SLIT2: variants seen among roughly 807,000 people sequenced by gnomAD.
SLIT2 encodes the protein slit homolog 2 protein.
A neutral mutation model predicts 185.7 loss-of-function variants in SLIT2; 41 were observed. The observed-to-expected ratio is 0.22, with a 90% CI of 0.17 to 0.29. SLIT2 has a LOEUF of 0.29. Among genes scored for constraint, SLIT2 ranks in the 10% least tolerant of loss-of-function variants. The probability of loss-of-function intolerance (pLI) is 1.00; values close to 1 mark genes in which losing one functional copy is unlikely to be tolerated. For synonymous variants in SLIT2, 693 were observed against 680.2 expected, an observed-to-expected ratio of 1.02 and a Z score of -0.29; for missense variants, 1,571 against 1,909.0, an observed-to-expected ratio of 0.82 and a Z score of 3.30.
At chr4:20,308,302 A>G (rs1355197659) in intron 4 of SLIT2, among the ~76,000 whole-genome samples, 2 of 152,206 alleles carry the variant, frequency 1.3e-5, no homozygotes, top group African/African-American at 4.8e-5. Context: ...CGAGTGGAAA[A>G]TGCCATCACC....
intron 8 of SLIT2, among the ~76,000 whole-genome samples, chr4:20,490,447 G>T (rs1338612963): frequency 7.9e-6 from 1 of 125,872 alleles, no homozygotes; most frequent in Admixed American, 7.6e-5. Flanking sequence ...ATATGTGTGG[G>T]TGTGTGTGTA....
chr4:20,368,195 T>C (rs1315524063), intron 4 of SLIT2, among the ~76,000 whole-genome samples: 1 of 148,466 alleles, frequency 6.7e-6, no homozygotes, highest in African/African-American at 2.5e-5. Context: ...TTTTCCTGGT[T>C]TTTGAAATAG....
At chr4:20,397,581 T>C (rs1310415201) in intron 4 of SLIT2, among the ~76,000 whole-genome samples, 2 of 151,878 alleles carry the variant, frequency 1.3e-5, no homozygotes, top group African/African-American at 4.8e-5. Flanking sequence ...AAGGCAGTTA[T>C]AAATTGTCAT....
intron 4 of SLIT2, among the ~76,000 whole-genome samples, chr4:20,459,143 A>C (rs1033632124): frequency 9.2e-5 from 14 of 152,232 alleles, no homozygotes; most frequent in Admixed American, 6.5e-5. Flanking sequence ...AAAAAAAAAA[A>C]CAGTTTTGGT....
At chr4:20,564,983 G>GC (rs1304151348) in intron 26 of SLIT2, among the ~76,000 whole-genome samples, 1 of 151,922 alleles carries the variant, frequency 6.6e-6, no homozygotes, top group African/African-American at 2.4e-5. Context: ...CCACTACGTG[G>GC]TAAAATGAAC....
intron 1 of SLIT2, among the ~76,000 whole-genome samples, chr4:20,256,142 C>G (rs1711798509): frequency 1.3e-5 from 2 of 152,126 alleles, no homozygotes; most frequent in Admixed American, 1.3e-4. Flanking sequence ...AGGTAAATGC[C>G]TATGAATGCA....
At chr4:20,516,827 A>G (rs1720259742) in intron 11 of SLIT2, among the ~76,000 whole-genome samples, 1 of 152,166 alleles carries the variant, frequency 6.6e-6, no homozygotes, top group African/African-American at 2.4e-5. Flanking sequence ...TTGATACTCC[A>G]TATAGCAATA....
chr4:20,435,537 C>T (rs1729290967), intron 4 of SLIT2, among the ~76,000 whole-genome samples: 1 of 152,114 alleles, frequency 6.6e-6, no homozygotes, highest in Non-Finnish European at 1.5e-5. Flanking sequence ...GACTAAACAT[C>T]ATGGACTGGA....
chr4:20,483,313 A>G (rs1716897059), intron 6 of SLIT2, among the ~76,000 whole-genome samples: 1 of 152,062 alleles, frequency 6.6e-6, no homozygotes, highest in Admixed American at 6.6e-5. Context: ...AAGTCAAGTG[A>G]AAATCTAAGG....
intron 9 of SLIT2, among the ~76,000 whole-genome samples, chr4:20,497,585 A>G (rs2148807323): frequency 6.6e-6 from 1 of 152,326 alleles, no homozygotes; most frequent in South Asian, 2.1e-4. Context: ...ATATTACTTT[A>G]TATCTGTAAC....
intron 4 of SLIT2, among the ~76,000 whole-genome samples, chr4:20,435,179 G>C (rs1180535999): frequency 6.6e-6 from 1 of 152,176 alleles, no homozygotes; most frequent in Non-Finnish European, 1.5e-5. Context: ...TTAGTTGTGA[G>C]AAAGTGCTGT....
intron 33 of SLIT2, among the ~76,000 whole-genome samples, chr4:20,605,696 C>CTTTTA (rs144136425): frequency 7.1e-6 from 1 of 141,322 alleles, no homozygotes; most frequent in Non-Finnish European, 1.5e-5. Flanking sequence ...TCGATCACTG[C>CTTTTA]TTTTATTTTA....
chr4:20,492,783 C>A (rs373279188), intron 9 of SLIT2, among the ~76,000 whole-genome samples: 3 of 151,832 alleles, frequency 2.0e-5, no homozygotes, highest in Admixed American at 6.6e-5. Context: ...GTTTTTAAAG[C>A]GCTCATTTTT....
chr4:20,357,192 T>C (rs1722397751), intron 4 of SLIT2, among the ~76,000 whole-genome samples: 1 of 152,116 alleles, frequency 6.6e-6, no homozygotes, highest in Non-Finnish European at 1.5e-5. Flanking sequence ...ACTCCTTTAA[T>C]TGGGGGAAGT....
Position 20,539,549 on chromosome 4 carries a change from A to G in SLIT2, c.1941A>G (p.Pro647=), listed in dbSNP as rs1480479943. ...LYDNQITTVA[P]GAFDTLHSLS... is the part of the protein sequence containing the mutation. Reference sequence around the variant, plus strand: ...ATAATCAAATTACTACAGTTGCACCAGGGGCATTTGATACTCTCCATTCTT... The same window carrying G: ...ATAATCAAATTACTACAGTTGCACCGGGGGCATTTGATACTCTCCATTCTT... Residue 647 remains proline (P), a synonymous_variant, in exon 19 of 37, where the codon CCA becomes CCG. Coordinates refer to ENST00000504154, the MANE Select transcript of SLIT2 (RefSeq NM_004787.4). The G allele has an allele frequency of 9.3e-6, 15 of 1,612,854 alleles. No individual in the cohort carries two copies. Among genetic ancestry groups the G allele is most frequent in the Non-Finnish European group, 1.1e-5 (13 of 1,178,944 alleles).
intron 4 of SLIT2, among the ~76,000 whole-genome samples, chr4:20,456,326 C>T (rs1013030587): frequency 6.6e-6 from 1 of 152,120 alleles, no homozygotes; most frequent in African/African-American, 2.4e-5. Context: ...TCATCCCCAG[C>T]AATGTCACCC....
chr4:20,428,559 C>G (rs189930592), intron 4 of SLIT2, among the ~76,000 whole-genome samples: 1 of 152,278 alleles, frequency 6.6e-6, no homozygotes, highest in African/African-American at 2.4e-5. Flanking sequence ...TTGCTGTTCT[C>G]ACACTAAAAA....
intron 4 of SLIT2, among the ~76,000 whole-genome samples, chr4:20,420,884 G>A (rs1177966042): frequency 6.6e-6 from 1 of 152,122 alleles, no homozygotes; most frequent in East Asian, 1.9e-4. Context: ...GATACAGCAA[G>A]AAGAAAGCCA....
chr4:20,538,258 C>T (rs534530245), intron 18 of SLIT2, among the ~76,000 whole-genome samples: 155 of 152,286 alleles, frequency 1.0e-3, no homozygotes, highest in African/African-American at 3.2e-3. Context: ...CTGGACCTGG[C>T]GCTCAAACTT....
Sources: gnomAD v4.1 joint callset for allele counts (sites outside exome capture counted in the v4.1 genomes callset) on GRCh38, gnomAD v4.1.1 for gene constraint, MANE v1.5 for transcripts, NCBI Gene and HGNC (gene_info 2026-07-23, HGNC 2026-07-21) for gene names.